The following ZFAND3 variants were observed in gnomAD, a reference collection of about 807,000 sequenced individuals.
ZFAND3 encodes AN1-type zinc finger protein 3.
A neutral mutation model predicts 29.6 loss-of-function variants in ZFAND3; 10 were observed. The ratio of observed to expected loss-of-function variants is 0.34; its 90% CI spans 0.21 to 0.57. ZFAND3 has a LOEUF of 0.57. ZFAND3 is among the 20% of genes least tolerant of loss of function. The pLI is 0.86. For missense variants in ZFAND3, 230 were observed against 304.5 expected, an observed-to-expected ratio of 0.76 and a Z score of 1.82; for synonymous variants, 128 against 112.6, an observed-to-expected ratio of 1.14 and a Z score of -0.87.
intron 5 of ZFAND3, among the ~76,000 whole-genome samples, chr6:38,132,610 T>C (rs1281072313): frequency 1.3e-5 from 2 of 152,226 alleles, no homozygotes; most frequent in African/African-American, 4.8e-5. Flanking sequence ...CCTTGACATA[T>C]AATCCAAGTA....
intron 1 of ZFAND3, among the ~76,000 whole-genome samples, chr6:37,906,712 T>TC (rs1162108008): frequency 6.6e-6 from 1 of 151,894 alleles, no homozygotes; most frequent in African/African-American, 2.4e-5. Flanking sequence ...TTTTTTTTTT[T>TC]TTAATTAAAT....
intron 1 of ZFAND3, among the ~76,000 whole-genome samples, chr6:37,846,375 T>C (rs369034046): frequency 2.0e-5 from 3 of 152,306 alleles, no homozygotes; most frequent in African/African-American, 7.2e-5. Context: ...GAGGATCCCT[T>C]GAGCACAGGA....
At chr6:37,900,555 G>T (rs1252974126) in intron 1 of ZFAND3, among the ~76,000 whole-genome samples, 1 of 152,122 alleles carries the variant, frequency 6.6e-6, no homozygotes, top group Admixed American at 6.5e-5. Context: ...TAGTTCTGTA[G>T]ATTTTTTTCC....
chr6:38,080,428 A>C (rs919247365), intron 3 of ZFAND3, among the ~76,000 whole-genome samples: 1 of 152,162 alleles, frequency 6.6e-6, no homozygotes, highest in African/African-American at 2.4e-5. Context: ...AGTAGATAAC[A>C]GTGTGATTCT....
At chr6:37,854,179 G>C (rs1764334662) in intron 1 of ZFAND3, among the ~76,000 whole-genome samples, 1 of 152,102 alleles carries the variant, frequency 6.6e-6, no homozygotes, top group African/African-American at 2.4e-5. Flanking sequence ...TCGAACTCCT[G>C]ACCTCAGGTG....
intron 1 of ZFAND3, among the ~76,000 whole-genome samples, chr6:37,902,257 G>A (rs1251314106): frequency 1.3e-5 from 2 of 152,024 alleles, no homozygotes; most frequent in Non-Finnish European, 1.5e-5. Flanking sequence ...AAGACCAGCC[G>A]AGGCAACATG....
chr6:38,139,715 G>T (rs1255051789), intron 5 of ZFAND3, among the ~76,000 whole-genome samples: 1 of 152,172 alleles, frequency 6.6e-6, no homozygotes, highest in Non-Finnish European at 1.5e-5. Flanking sequence ...CATGTTGGCT[G>T]CCCTGAGGAA....
chr6:37,910,937 C>T (rs1406675540), intron 1 of ZFAND3, among the ~76,000 whole-genome samples: 1 of 152,158 alleles, frequency 6.6e-6, no homozygotes, highest in African/African-American at 2.4e-5. Flanking sequence ...TTTATCCATG[C>T]ATCCATTAAT....
In ZFAND3 at chr6:37,933,861, GT is replaced by G. The variant is rs1761642740; in HGVS notation, c.112+3865del. Among the ~76,000 whole-genome samples, 3 of 144,848 alleles carry G rather than the reference GT, an allele frequency of 2.1e-5. No individual in the cohort carries two copies. In the East Asian group the frequency reaches 6.0e-4, roughly 29 times the overall value. ...TTAAAGGCTAAAATCATTTAAGACT[GT>G]TTAAAGGATCTCTCTCTCTCATTTT... is the stretch of plus-strand genomic sequence containing the variant. On this transcript the variant is annotated intron_variant, in intron 2 of 5. Transcript: ENST00000287218.
At chr6:37,853,163 C>G (rs565268271) in intron 1 of ZFAND3, among the ~76,000 whole-genome samples, 10 of 152,074 alleles carry the variant, frequency 6.6e-5, no homozygotes, top group Non-Finnish European at 1.0e-4. Context: ...ATGTGGAATT[C>G]AGTGTGAGTT....
At chr6:37,908,807 AG>A (rs991876792) in intron 1 of ZFAND3, among the ~76,000 whole-genome samples, 6 of 151,824 alleles carry the variant, frequency 4.0e-5, no homozygotes, top group Non-Finnish European at 5.9e-5. Flanking sequence ...CAGATTCTAA[AG>A]GAATGACTTT....
At position 38,090,803 on chromosome 6, in the gene ZFAND3, TACTC is replaced by T. The variant is rs368949756; in HGVS notation, c.361+8348_361+8351del. 1.1e-4 allele frequency among the ~76,000 whole-genome samples: 16 copies of T among 152,348 alleles called. No homozygotes were observed. The South Asian group carries it at 2.9e-3, about 28-fold the overall frequency. On this transcript the variant is annotated intron_variant, in intron 4 of 5. Transcript: ENST00000287218. ...ATATACTAATAATTAGATGATTTGA[TACTC>T]AATATGTAAATAATAGGTGGGTTTA...
intron 1 of ZFAND3, among the ~76,000 whole-genome samples, chr6:37,849,559 C>T (rs1442567123): frequency 2.0e-5 from 3 of 152,112 alleles, no homozygotes; most frequent in Non-Finnish European, 2.9e-5. Context: ...CAGGCACCCA[C>T]CACTATGCCT....
At chr6:37,950,780 A>G (rs896531245) in intron 2 of ZFAND3, among the ~76,000 whole-genome samples, 5 of 152,116 alleles carry the variant, frequency 3.3e-5, no homozygotes, top group Admixed American at 2.0e-4. Flanking sequence ...TCTGGTTACT[A>G]TAGTCTCAAG....
At chr6:38,074,347 A>G (rs1764512903) in intron 3 of ZFAND3, among the ~76,000 whole-genome samples, 1 of 152,220 alleles carries the variant, frequency 6.6e-6, no homozygotes, top group Non-Finnish European at 1.5e-5. Flanking sequence ...TTGACATCTA[A>G]TTATTTTAAT....
intron 1 of ZFAND3, among the ~76,000 whole-genome samples, chr6:37,902,737 C>CTTTTTTTTTTTTTTTTTT (rs11448512): frequency 1.0e-5 from 1 of 100,450 alleles, no homozygotes; most frequent in Non-Finnish European, 1.8e-5. Context: ...CTTTTACTTA[C>CTTTTTTTTTTTTTTTTTT]TTTTTTTTTT....
chr6:38,129,631 G>C (rs570085308), intron 5 of ZFAND3, among the ~76,000 whole-genome samples: 1 of 152,230 alleles, frequency 6.6e-6, no homozygotes, highest in South Asian at 2.1e-4. Flanking sequence ...TTGACTCTAA[G>C]TATTCGGGTT....
At chr6:38,129,660 T>TCA (rs1765705670) in intron 5 of ZFAND3, among the ~76,000 whole-genome samples, 2 of 152,194 alleles carry the variant, frequency 1.3e-5, no homozygotes, top group South Asian at 4.1e-4. Context: ...GGTTCTCTGT[T>TCA]GTTTTCCGTT....
intron 3 of ZFAND3, among the ~76,000 whole-genome samples, chr6:38,073,075 T>G: frequency 6.6e-6 from 1 of 152,160 alleles, no homozygotes; most frequent in East Asian, 1.9e-4. Context: ...CTCATCATAT[T>G]CCAGCTGTGG....
Sources: gnomAD v4.1 joint callset for allele counts (sites outside exome capture counted in the v4.1 genomes callset) on GRCh38, gnomAD v4.1.1 for gene constraint, MANE v1.5 for transcripts, NCBI Gene and HGNC (gene_info 2026-07-23, HGNC 2026-07-21) for gene names.